Variants in HNF4A observed in about 807,000 individuals in gnomAD.
HNF4A encodes the protein hepatocyte nuclear factor 4-alpha.
A neutral mutation model predicts 52.4 loss-of-function variants in HNF4A; 15 were observed. The observed-to-expected ratio is 0.29, with a 90% CI of 0.19 to 0.44. HNF4A has a LOEUF of 0.44. Ranked by LOEUF, HNF4A falls within the 20% of genes least tolerant of loss-of-function variation. The probability of loss-of-function intolerance (pLI) is 1.00; values close to 1 mark genes in which losing one functional copy is unlikely to be tolerated. For missense variants in HNF4A, 479 were observed against 647.2 expected, an observed-to-expected ratio of 0.74 and a Z score of 2.82; for synonymous variants, 280 against 264.4, an observed-to-expected ratio of 1.06 and a Z score of -0.57.
At chr20:44,359,899 G>T (rs2062899247) in intron 1 of HNF4A, among the ~76,000 whole-genome samples, 3 of 152,094 alleles carry the variant, frequency 2.0e-5, no homozygotes, top group Admixed American at 2.0e-4. Context: ...TGCCAATCTG[G>T]TACTACCCTG....
chr20:44,396,931 A>G (rs1463958469), upstream of HNF4A, among the ~76,000 whole-genome samples: 1 of 152,226 alleles, frequency 6.6e-6, no homozygotes, highest in Admixed American at 6.5e-5. Context: ...TCAGGGGAAG[A>G]GAGGCTAAGA....
intron 1 of HNF4A, among the ~76,000 whole-genome samples, chr20:44,363,579 G>T (rs1007928510): frequency 6.6e-6 from 1 of 152,064 alleles, no homozygotes; most frequent in Non-Finnish European, 1.5e-5. Flanking sequence ...GGAGGCAGAT[G>T]AGAGGCATAG....
intron 3 of HNF4A, chr20:44,408,006 C>CA: frequency 9.4e-6 from 2 of 212,732 alleles, no homozygotes; most frequent in South Asian, 1.7e-4. Context: ...GGAACAAGAC[C>CA]CCAGACCCAT....
intron 1 of HNF4A, among the ~76,000 whole-genome samples, chr20:44,381,278 G>GGT (rs1568699825): frequency 6.6e-5 from 8 of 121,676 alleles, no homozygotes; most frequent in African/African-American, 2.5e-4. Context: ...ATCAGTGAGA[G>GGT]CTTTTTTTTT....
At chr20:44,411,152 C>T (rs192624299) in intron 3 of HNF4A, among the ~76,000 whole-genome samples, 11 of 152,258 alleles carry the variant, frequency 7.2e-5, no homozygotes, top group Non-Finnish European at 1.3e-4. Context: ...AAAGCGGACC[C>T]AGAGTTGCAG....
At chr20:44,364,000 CTT>C (rs2062944607) in intron 1 of HNF4A, among the ~76,000 whole-genome samples, 1 of 152,024 alleles carries the variant, frequency 6.6e-6, no homozygotes, top group African/African-American at 2.4e-5. Context: ...TCCATTTCCT[CTT>C]TTGAGAAATG....
rs143352920 is a variant in HNF4A at position 44,361,692 on chromosome 20, A to C, written c.49+5839A>C. Among the ~76,000 whole-genome samples the C allele has an allele frequency of 1.9e-3, 291 of 151,234 alleles. 1 individual carries two copies. Among genetic ancestry groups the C allele is most frequent in the African/African-American group, 6.0e-3 (246 of 40,882 alleles). On this transcript the variant is annotated intron_variant, in intron 1 of 9. Transcript: ENST00000316673. ...GACTATGTCTCAAAACCAAACCAAA[A>C]CAAAACAAAACCAAAAAAAAACAAC...
intron 1 of HNF4A, among the ~76,000 whole-genome samples, chr20:44,381,532 C>T (rs188438912): frequency 2.0e-5 from 3 of 152,168 alleles, no homozygotes; most frequent in Non-Finnish European, 4.4e-5. Flanking sequence ...GATCTGCCTG[C>T]CTCAGCCCCA....
chr20:44,375,769 G>A (rs1158428146), intron 1 of HNF4A, among the ~76,000 whole-genome samples: 3 of 152,128 alleles, frequency 2.0e-5, no homozygotes, highest in Non-Finnish European at 4.4e-5. Flanking sequence ...TTCATTATCC[G>A]AGAACTTCTC....
At chr20:44,356,182 GT>G (rs1304897839) in intron 1 of HNF4A, among the ~76,000 whole-genome samples, 4 of 152,162 alleles carry the variant, frequency 2.6e-5, no homozygotes. Context: ...GCACCGTCCT[GT>G]TTCGATGCGG....
chr20:44,400,309 G>A (rs946120056), upstream of HNF4A, among the ~76,000 whole-genome samples: 6 of 151,928 alleles, frequency 3.9e-5, no homozygotes, highest in Admixed American at 2.0e-4. Flanking sequence ...AGAGAAACAG[G>A]GGGATGGCAA....
upstream of HNF4A, among the ~76,000 whole-genome samples, chr20:44,398,161 T>C (rs1034836249): frequency 2.6e-5 from 4 of 152,246 alleles, no homozygotes; most frequent in Non-Finnish European, 2.9e-5. Context: ...TTCTTAGCCA[T>C]TGTCACAAAA....
chr20:44,424,618 T>C, intron 8 of HNF4A: 1 of 1,409,460 alleles, frequency 7.1e-7, no homozygotes, highest in East Asian at 2.6e-5. Flanking sequence ...TTTTATGATT[T>C]TGAAATAAAC....
intron 2 of HNF4A, among the ~76,000 whole-genome samples, chr20:44,406,543 C>G (rs112025851): frequency 3.3e-4 from 51 of 152,290 alleles, no homozygotes; most frequent in African/African-American, 1.2e-3. Context: ...CATGGGGCCT[C>G]TCCTGAAGCC....
chr20:44,398,289 T>C (rs2063371752), upstream of HNF4A, among the ~76,000 whole-genome samples: 1 of 152,254 alleles, frequency 6.6e-6, no homozygotes, highest in Non-Finnish European at 1.5e-5. Flanking sequence ...ACTTAGTAAA[T>C]GTAACAAACT....
intron 1 of HNF4A, among the ~76,000 whole-genome samples, chr20:44,359,926 A>T (rs528109083): frequency 9.4e-4 from 143 of 152,290 alleles, no homozygotes; most frequent in African/African-American, 3.2e-3. Flanking sequence ...TCTGAGGATG[A>T]GATGCTAAAC....
upstream of HNF4A, chr20:44,401,183 A>AC (rs2063402572): frequency 6.8e-7 from 1 of 1,462,458 alleles, no homozygotes; most frequent in Non-Finnish European, 9.0e-7. Flanking sequence ...ATTAACCCCC[A>AC]CCCCTCCCCG....
At chr20:44,422,794 C>T (rs1465463756) in intron 7 of HNF4A, among the ~76,000 whole-genome samples, 2 of 151,862 alleles carry the variant, frequency 1.3e-5, no homozygotes, top group Non-Finnish European at 2.9e-5. Context: ...ATTCTCCCAC[C>T]TCACCTCCTG....
chr20:44,414,759 T>C, intron 5 of HNF4A, 97 bp downstream of exon 5: 1 of 1,168,528 alleles, frequency 8.6e-7, no homozygotes, highest in Non-Finnish European at 1.2e-6. Context: ...ACTGGCTTGA[T>C]TTTATTTTAT....
Sources: gnomAD v4.1 joint callset for allele counts (sites outside exome capture counted in the v4.1 genomes callset) on GRCh38, gnomAD v4.1.1 for gene constraint, MANE v1.5 for transcripts, NCBI Gene and HGNC (gene_info 2026-07-23, HGNC 2026-07-21) for gene names.